Variants in CDH13 observed in about 807,000 individuals in gnomAD.
The protein encoded by CDH13 is cadherin-13.
Under a neutral mutation model 63.8 loss-of-function variants are expected in CDH13, and 24 were observed. That is an observed-to-expected ratio of 0.38 (90% CI 0.27 to 0.53). CDH13 has a LOEUF of 0.53. Among genes scored for constraint, CDH13 ranks in the 20% least tolerant of loss-of-function variants. The probability of loss-of-function intolerance (pLI) is 0.85; values close to 1 mark genes in which losing one functional copy is unlikely to be tolerated. For synonymous variants in CDH13, 503 were observed against 355.3 expected (o/e 1.42, Z -4.67); for missense variants, 1,049 against 903.1 (o/e 1.16, Z -2.07).
chr16:83,222,712 A>C (rs1218642595), intron 5 of CDH13, among the ~76,000 whole-genome samples: 3 of 152,232 alleles, frequency 2.0e-5, no homozygotes, highest in South Asian at 2.1e-4. Context: ...GTGGCAGTCA[A>C]CAAAATCACC....
chr16:83,230,082 G>A (rs774448360), intron 5 of CDH13, among the ~76,000 whole-genome samples: 3 of 152,188 alleles, frequency 2.0e-5, no homozygotes, highest in Non-Finnish European at 4.4e-5. Flanking sequence ...TAGACCCACA[G>A]CAGAGGTCTT....
chr16:83,443,400 C>G (rs544580406), intron 6 of CDH13, among the ~76,000 whole-genome samples: 1 of 152,074 alleles, frequency 6.6e-6, no homozygotes, highest in Admixed American at 6.6e-5. Flanking sequence ...ATTCTCAGTG[C>G]GTGTTGAATG....
At chr16:83,593,043 G>A (rs931054089) in intron 7 of CDH13, among the ~76,000 whole-genome samples, 1 of 152,164 alleles carries the variant, frequency 6.6e-6, no homozygotes, top group Admixed American at 6.6e-5. Flanking sequence ...TCAAACTCCA[G>A]ACAGACAACA....
chr16:83,653,092 G>T (rs1275814902), intron 8 of CDH13, among the ~76,000 whole-genome samples: 2 of 152,162 alleles, frequency 1.3e-5, no homozygotes, highest in Non-Finnish European at 2.9e-5. Flanking sequence ...GAAATGTCCA[G>T]AACAGGGAGA....
intron 6 of CDH13, among the ~76,000 whole-genome samples, chr16:83,347,326 C>A (rs2090860634): frequency 6.7e-6 from 1 of 148,486 alleles, no homozygotes; most frequent in Non-Finnish European, 1.5e-5. Context: ...TATTCGACAC[C>A]CACTGGGAGT....
intron 3 of CDH13, among the ~76,000 whole-genome samples, chr16:83,101,057 A>G (rs1337026582): frequency 2.6e-5 from 4 of 152,100 alleles, no homozygotes; most frequent in Non-Finnish European, 5.9e-5. Context: ...TCAAATATTG[A>G]TTGAGCACCT....
At position 83,215,073 on chromosome 16, in the gene CDH13, C is replaced by CTTTTTTTTTTTTTTT. The variant is rs571565652; in HGVS notation, c.484-2265_484-2251dup. Reference sequence around the variant, plus strand: ...TTTCATCAGAGAGTATCAAACACCTCTTTTTTTTTTTTTTTTTTTTTGAGA... The same window carrying CTTTTTTTTTTTTTTT: ...TTTCATCAGAGAGTATCAAACACCTCTTTTTTTTTTTTTTTTTTTTTTTTTTTTTTTTTTTTGAGA... On this transcript the variant is annotated intron_variant, in intron 4 of 13. Coordinates refer to ENST00000567109, the MANE Select transcript of CDH13 (RefSeq NM_001257.5). Among the ~76,000 whole-genome samples the CTTTTTTTTTTTTTTT allele has an allele frequency of 7.8e-4, 44 of 56,238 alleles. 8 individuals are homozygous for CTTTTTTTTTTTTTTT. The highest frequency in any genetic ancestry group is 9.7e-4 in the Admixed American group (3 of 3,084). The allele number at this position is 56,238 out of a possible 152,430, so 36.9% of individuals were successfully genotyped here. A position where few individuals can be genotyped will look rare whatever the true frequency, so the allele number is the denominator to read the frequency against.
intron 7 of CDH13, among the ~76,000 whole-genome samples, chr16:83,572,704 A>T (rs959257376): frequency 6.6e-6 from 1 of 152,250 alleles, no homozygotes; most frequent in Non-Finnish European, 1.5e-5. Context: ...GAACATGTAT[A>T]ATAGCCAAAC....
intron 11 of CDH13, among the ~76,000 whole-genome samples, chr16:83,761,626 G>A (rs915716825): frequency 2.0e-5 from 3 of 152,174 alleles, no homozygotes; most frequent in Admixed American, 1.3e-4. Context: ...CTCAAACTCC[G>A]AGACTGGCAC....
chr16:82,672,334 C>T (rs771496622), intron 1 of CDH13, among the ~76,000 whole-genome samples: 2 of 152,164 alleles, frequency 1.3e-5, no homozygotes, highest in Non-Finnish European at 2.9e-5. Flanking sequence ...AATTACTGAG[C>T]ATCCGACTTA....
At chr16:82,878,708 C>A (rs2040590201) in intron 2 of CDH13, among the ~76,000 whole-genome samples, 1 of 151,166 alleles carries the variant, frequency 6.6e-6, no homozygotes, top group Non-Finnish European at 1.5e-5. Flanking sequence ...AAGCAGTTGG[C>A]AGGGAACTTA....
chr16:83,439,876 G>T (rs998136143), intron 6 of CDH13, among the ~76,000 whole-genome samples: 1 of 152,104 alleles, frequency 6.6e-6, no homozygotes, highest in Non-Finnish European at 1.5e-5. Context: ...AATCCTTGGT[G>T]TCCTTTCTCT....
At chr16:82,941,374 C>A (rs1171579205) in intron 2 of CDH13, among the ~76,000 whole-genome samples, 3 of 152,284 alleles carry the variant, frequency 2.0e-5, no homozygotes, top group South Asian at 2.1e-4. Context: ...TCAGTGATAT[C>A]CATGACATTT....
At chr16:82,986,074 A>G (rs965849745) in intron 2 of CDH13, among the ~76,000 whole-genome samples, 2 of 152,212 alleles carry the variant, frequency 1.3e-5, no homozygotes, top group African/African-American at 4.8e-5. Context: ...GTACTTCTAT[A>G]TAGTGACGTA....
At chr16:83,214,535 G>A (rs1265014725) in intron 4 of CDH13, among the ~76,000 whole-genome samples, 2 of 115,818 alleles carry the variant, frequency 1.7e-5, no homozygotes, top group African/African-American at 6.6e-5. Context: ...AGCCGAAATT[G>A]CACCACTGCA....
chr16:83,408,636 T>C (rs867488777), intron 6 of CDH13, among the ~76,000 whole-genome samples: 34 of 152,312 alleles, frequency 2.2e-4, no homozygotes, highest in African/African-American at 7.9e-4. Flanking sequence ...ATGTGGCCCA[T>C]CATTGACTGA....
intron 2 of CDH13, among the ~76,000 whole-genome samples, chr16:82,895,921 C>T (rs2041240479): frequency 6.6e-6 from 1 of 152,172 alleles, no homozygotes; most frequent in Non-Finnish European, 1.5e-5. Flanking sequence ...TCTTTGAACA[C>T]ACTGAGCTTG....
chr16:83,617,030 T>C (rs926848259), intron 8 of CDH13, among the ~76,000 whole-genome samples: 1 of 152,200 alleles, frequency 6.6e-6, no homozygotes, highest in Admixed American at 6.5e-5. Flanking sequence ...ACTTTGTTAC[T>C]TCCTCTTCCT....
intron 6 of CDH13, among the ~76,000 whole-genome samples, chr16:83,440,448 G>A (rs1311590700): frequency 6.6e-6 from 1 of 152,098 alleles, no homozygotes; most frequent in Non-Finnish European, 1.5e-5. Context: ...TCAGTCGTGG[G>A]GAGGAGGGGT....
Sources: gnomAD v4.1 joint callset for allele counts (sites outside exome capture counted in the v4.1 genomes callset) on GRCh38, gnomAD v4.1.1 for gene constraint, MANE v1.5 for transcripts, NCBI Gene and HGNC (gene_info 2026-07-23, HGNC 2026-07-21) for gene names.